Variants in TMEM164 observed in about 807,000 individuals in gnomAD.
The protein encoded by TMEM164 is transmembrane protein 164.
In TMEM164, 4 loss-of-function variants were observed where a neutral mutation model predicts 18.8. The observed-to-expected ratio is 0.21, with a 90% CI of 0.10 to 0.49. The LOEUF (loss-of-function observed/expected upper bound fraction) is 0.49. Among genes scored for constraint, TMEM164 ranks in the 20% least tolerant of loss-of-function variants. The pLI is 0.98. For missense variants in TMEM164, 108 were observed against 239.9 expected (o/e 0.45, Z 3.63); for synonymous variants, 86 against 101.7 (o/e 0.85, Z 0.93).
At chrX:110,171,710 G>T (rs2067233500) in intron 6 of TMEM164, among the ~76,000 whole-genome samples, 190 bp downstream of exon 6, 1 of 112,466 alleles carries the variant, frequency 8.9e-6, no homozygotes, top group Non-Finnish European at 1.9e-5. Context: ...AGTTTTCTGA[G>T]TCTTTCAGTA....
Position 110,003,939 on chromosome X carries a change from G to A in TMEM164, c.165G>A (p.Val55=). The change falls in exon 2 of 7, where the codon GTG becomes GTA. Residue 55 remains valine (V), a synonymous_variant. Coordinates refer to ENST00000372068, the MANE Select transcript of TMEM164 (RefSeq NM_032227.4). ...CCCTGGCTCTGTTGGAGATCCTGGT[G>A]GCCCTGCGGCACATCCTGAGGCAGA... is the stretch of plus-strand genomic sequence containing the variant. ...VLTLALLEIL[V]ALRHILRQTK... is the part of the protein sequence containing the mutation. 1 of 1,211,579 alleles carries A rather than the reference G, an allele frequency of 8.3e-7. No homozygotes were observed.
chrX:110,019,897 A>G (rs1280482283), intron 2 of TMEM164, among the ~76,000 whole-genome samples: 4 of 111,461 alleles, frequency 3.6e-5, no homozygotes, highest in African/African-American at 6.5e-5. Context: ...ATATTCTTCC[A>G]TGTGTTCTCT....
At chrX:110,178,291 C>T (rs2067309676), downstream of TMEM164, among the ~76,000 whole-genome samples, 1 of 112,215 alleles carries the variant, frequency 8.9e-6, no homozygotes, top group Non-Finnish European at 1.9e-5. Flanking sequence ...TTACACAGGA[C>T]AGAGGCCCTG....
chrX:110,162,826 C>A lies in TMEM164; in HGVS notation c.587-8594C>A, dbSNP rs899137743. 6.2e-5 allele frequency among the ~76,000 whole-genome samples: 7 copies of A among 112,015 alleles called. No individual in the cohort carries two copies. The South Asian group carries it at 2.6e-3, about 42-fold the overall frequency. On this transcript the variant is annotated intron_variant, in intron 5 of 6. Transcript: ENST00000372068. The stretch of plus-strand genomic sequence containing the variant: ...CCAAACCTGTACCTTCTCTGATGTT[C>A]CCCATCCTTTTCAGTGATACCATCA...
intron 2 of TMEM164, among the ~76,000 whole-genome samples, chrX:110,015,701 T>C (rs919659441): frequency 9.0e-6 from 1 of 111,220 alleles, no homozygotes; most frequent in African/African-American, 3.3e-5. Context: ...TGCTACTGGC[T>C]GCTGCTTCAT....
intron 2 of TMEM164, among the ~76,000 whole-genome samples, chrX:110,028,796 C>T (rs1302179016): frequency 4.5e-5 from 5 of 111,760 alleles, no homozygotes; most frequent in Non-Finnish European, 7.5e-5. Context: ...AATTTTGCTG[C>T]TCTTCAATCA....
intron 2 of TMEM164, among the ~76,000 whole-genome samples, chrX:110,027,281 T>C (rs962257813): frequency 2.7e-5 from 3 of 112,092 alleles, no homozygotes; most frequent in African/African-American, 9.7e-5. Context: ...AAGCTTTTTC[T>C]TCTGTTGAGA....
At chrX:110,093,937 G>A (rs1324126112) in intron 3 of TMEM164, among the ~76,000 whole-genome samples, 2 of 111,283 alleles carry the variant, frequency 1.8e-5, no homozygotes, top group African/African-American at 3.3e-5. Flanking sequence ...CCTTCATTTC[G>A]TTATGTACCC....
At chrX:110,078,149 C>T (rs1271550172) in intron 3 of TMEM164, among the ~76,000 whole-genome samples, 2 of 111,870 alleles carry the variant, frequency 1.8e-5, no homozygotes, top group African/African-American at 6.5e-5. Context: ...AACTTTTGCT[C>T]ATTTTTAAAA....
In TMEM164 at chrX:110,115,130, T is replaced by C. The variant is rs190900145; in HGVS notation, c.507+5984T>C. 2.5e-4 allele frequency among the ~76,000 whole-genome samples: 28 copies of C among 112,023 alleles called. 1 individual carries two copies. Among genetic ancestry groups the C allele is most frequent in the Admixed American group, 2.3e-3 (24 of 10,529 alleles). Reference sequence around the variant, plus strand: ...ATGCAGCTTTTCCACTGACACACCTTGTACCCATGTGTGCTGCTGGAAAAA... The same window carrying C: ...ATGCAGCTTTTCCACTGACACACCTCGTACCCATGTGTGCTGCTGGAAAAA... On this transcript the variant is annotated intron_variant, in intron 4 of 6. Transcript: ENST00000372068.
At chrX:110,166,252 A>G (rs1209192226) in intron 5 of TMEM164, among the ~76,000 whole-genome samples, 1 of 111,913 alleles carries the variant, frequency 8.9e-6, no homozygotes, top group Non-Finnish European at 1.9e-5. Context: ...GCTCACCTCA[A>G]CTGTCATCTT....
chrX:110,147,714 A>T (rs1253857592), intron 5 of TMEM164, among the ~76,000 whole-genome samples: 1 of 110,788 alleles, frequency 9.0e-6, no homozygotes, highest in Admixed American at 9.6e-5. Context: ...ATTTGAGCCA[A>T]CATCCTGAGA....
chrX:110,058,439 G>C (rs994003440), intron 2 of TMEM164, among the ~76,000 whole-genome samples: 7 of 108,417 alleles, frequency 6.5e-5, no homozygotes, highest in Admixed American at 5.0e-4. Context: ...TTTTCATTTT[G>C]ATCATACATT....
chrX:110,178,753 C>T (rs1280169938), downstream of TMEM164, among the ~76,000 whole-genome samples: 1 of 112,763 alleles, frequency 8.9e-6, no homozygotes, highest in African/African-American at 3.2e-5. Context: ...CAAATCCCTC[C>T]CATTACCTCT....
rs141878395 is a variant in TMEM164 at position 110,114,254 on chromosome X, A to G, written c.507+5108A>G. On this transcript the variant is annotated intron_variant, in intron 4 of 6. Transcript: ENST00000372068. ...CAATTTCAGGAGGGACACAGACTAC[A>G]ACTTCCTCTCCTAGCCCCTCTCCCC... 4.2e-3 allele frequency among the ~76,000 whole-genome samples: 474 copies of G among 111,988 alleles called. 6 individuals are homozygous for G. Among genetic ancestry groups the G allele is most frequent in the Middle Eastern group, 0.023 (5 of 215 alleles).
At chrX:110,051,082 T>C (rs1468650604) in intron 2 of TMEM164, among the ~76,000 whole-genome samples, 1 of 112,320 alleles carries the variant, frequency 8.9e-6, no homozygotes, top group Non-Finnish European at 1.9e-5. Context: ...CAGCTTGTTG[T>C]CTTGGTTACA....
intron 2 of TMEM164, among the ~76,000 whole-genome samples, chrX:110,010,066 A>C (rs1295914523): frequency 1.8e-5 from 2 of 111,215 alleles, no homozygotes; most frequent in African/African-American, 6.5e-5. Context: ...GCTCCTGCTC[A>C]CACATCTTTT....
chrX:110,096,260 G>A (rs1292767539), intron 3 of TMEM164, among the ~76,000 whole-genome samples: 2 of 112,800 alleles, frequency 1.8e-5, no homozygotes, highest in Admixed American at 1.9e-4. Context: ...GCTGCCTTTT[G>A]TTCAGCTATG....
chrX:110,032,372 G>A (rs933302804), intron 2 of TMEM164, among the ~76,000 whole-genome samples: 1 of 111,453 alleles, frequency 9.0e-6, no homozygotes, highest in African/African-American at 3.3e-5. Flanking sequence ...TAAACACTTA[G>A]TTAATATCTG....
Sources: allele counts gnomAD v4.1 joint callset (sites outside exome capture counted in the v4.1 genomes callset), GRCh38; gene constraint gnomAD v4.1.1; transcripts MANE v1.5; gene names NCBI Gene and HGNC (gene_info 2026-07-23, HGNC 2026-07-21).